The following STPG2 variants were observed in gnomAD, a reference collection of about 807,000 sequenced individuals.
STPG2 encodes the protein sperm-tail PG-rich repeat-containing protein 2.
In STPG2, 56 loss-of-function variants were observed where a neutral mutation model predicts 54.2. The observed-to-expected ratio is 1.03, with a 90% CI of 0.83 to 1.29. STPG2 has a LOEUF of 1.29. Among genes scored for constraint, STPG2 ranks in the 50% most tolerant of loss-of-function variants. The pLI is 0.00. For synonymous variants in STPG2, 200 were observed against 181.8 expected (o/e 1.10, Z -0.81); for missense variants, 596 against 544.9 (o/e 1.09, Z -0.93).
intron 8 of STPG2, among the ~76,000 whole-genome samples, chr4:97,877,314 A>G (rs1467266558): frequency 6.6e-6 from 1 of 152,164 alleles, no homozygotes; most frequent in African/African-American, 2.4e-5. Context: ...ATAGCAAGAA[A>G]ACAAATCACC....
intron 9 of STPG2, among the ~76,000 whole-genome samples, chr4:97,836,816 AT>A (rs1399216994): frequency 6.7e-6 from 1 of 150,332 alleles, no homozygotes; most frequent in Non-Finnish European, 1.5e-5. Flanking sequence ...TATATTATTC[AT>A]TAATTAATAA....
intron 4 of STPG2, among the ~76,000 whole-genome samples, chr4:97,489,354 T>G (rs1464298355): frequency 6.6e-6 from 1 of 151,766 alleles, no homozygotes; most frequent in African/African-American, 2.4e-5. Context: ...ATATCAGGCA[T>G]CTGGGTCAGA....
chr4:97,955,195 A>T (rs1047225096), intron 7 of STPG2, among the ~76,000 whole-genome samples: 2 of 151,306 alleles, frequency 1.3e-5, no homozygotes, highest in African/African-American at 4.9e-5. Context: ...AAAGCAAAAA[A>T]AGTTGTAATA....
At chr4:97,649,251 G>A (rs1484673883) in intron 10 of STPG2, among the ~76,000 whole-genome samples, 1 of 152,080 alleles carries the variant, frequency 6.6e-6, no homozygotes. Flanking sequence ...TTGTAGACCT[G>A]TGGACCCAGA....
intron 3 of STPG2, among the ~76,000 whole-genome samples, chr4:98,123,468 G>T (rs750372971): frequency 1.3e-5 from 2 of 152,118 alleles, no homozygotes; most frequent in Non-Finnish European, 2.9e-5. Context: ...TCAGAAGCAG[G>T]TTGTTCAATT....
chr4:98,119,104 T>C (rs1437029555), intron 3 of STPG2, among the ~76,000 whole-genome samples: 1 of 152,126 alleles, frequency 6.6e-6, no homozygotes, highest in South Asian at 2.1e-4. Flanking sequence ...TGATGAGAAA[T>C]AGGTAAGAGT....
chr4:97,991,401 G>GTA (rs1182579323), intron 5 of STPG2, among the ~76,000 whole-genome samples: 1 of 149,054 alleles, frequency 6.7e-6, no homozygotes, highest in Non-Finnish European at 1.5e-5. Flanking sequence ...ATATATATGT[G>GTA]TATATATATA....
intron 4 of STPG2, among the ~76,000 whole-genome samples, chr4:97,502,423 G>A (rs371821244): frequency 5.5e-4 from 83 of 151,996 alleles, no homozygotes; most frequent in Middle Eastern, 3.4e-3. Context: ...TTTCTGATGG[G>A]GAAAACAATG....
chr4:97,633,192 G>A (rs545519742), intron 10 of STPG2, among the ~76,000 whole-genome samples: 1 of 152,012 alleles, frequency 6.6e-6, no homozygotes, highest in Non-Finnish European at 1.5e-5. Flanking sequence ...CTTATAGAAG[G>A]ACTTGCCATT....
intron 10 of STPG2, among the ~76,000 whole-genome samples, chr4:97,699,961 T>G (rs1458858385): frequency 6.6e-6 from 1 of 152,180 alleles, no homozygotes; most frequent in Non-Finnish European, 1.5e-5. Context: ...CATGACCCAC[T>G]TTATGGCTAC....
At chr4:97,554,271 A>G (rs997557091), downstream of STPG2, among the ~76,000 whole-genome samples, 5 of 152,162 alleles carry the variant, frequency 3.3e-5, no homozygotes, top group Non-Finnish European at 7.3e-5. Flanking sequence ...AGTACAAATC[A>G]TCATCTCTAC....
intron 6 of STPG2, among the ~76,000 whole-genome samples, chr4:97,978,447 G>A (rs773891218): frequency 1.3e-5 from 2 of 152,104 alleles, no homozygotes; most frequent in Non-Finnish European, 2.9e-5. Context: ...CTTATAAGTG[G>A]GAGCAAAATA....
At position 97,667,204 on chromosome 4, in the gene STPG2, T is replaced by C. The variant is rs547036630; in HGVS notation, c.1320+45495A>G. Among the ~76,000 whole-genome samples, 121 of 152,374 alleles carry C rather than the reference T, an allele frequency of 7.9e-4. 1 individual carries two copies. The highest frequency in any genetic ancestry group is 2.9e-3 in the African/African-American group (119 of 41,598). The stretch of plus-strand genomic sequence containing the variant: ...TAACACATTCCTCAGGCAATTCTTA[T>C]ACAAAGTAAAGTGAAAGGACCACGA... On this transcript the variant is annotated intron_variant, in intron 10 of 10. Coordinates refer to ENST00000295268, the MANE Select transcript of STPG2 (RefSeq NM_174952.3).
At chr4:97,979,033 GT>G (rs1320535779) in intron 6 of STPG2, among the ~76,000 whole-genome samples, 1 of 152,202 alleles carries the variant, frequency 6.6e-6, no homozygotes, top group African/African-American at 2.4e-5. Context: ...CACAAAACAT[GT>G]AACAGCCTCA....
intron 9 of STPG2, among the ~76,000 whole-genome samples, chr4:97,801,654 C>A (rs183131115): frequency 2.0e-5 from 3 of 152,176 alleles, no homozygotes; most frequent in African/African-American, 7.2e-5. Flanking sequence ...AAAAATGTCT[C>A]TTTTTTTCTT....
chr4:97,810,462 C>CAAA (rs11386288), intron 9 of STPG2, among the ~76,000 whole-genome samples: 5 of 112,982 alleles, frequency 4.4e-5, no homozygotes, highest in Non-Finnish European at 3.6e-5. Flanking sequence ...GACTCTGTCT[C>CAAA]AAAAAAAAAA....
intron 5 of STPG2, among the ~76,000 whole-genome samples, chr4:98,020,853 T>A (rs1736159313): frequency 6.6e-6 from 1 of 152,188 alleles, no homozygotes; most frequent in Non-Finnish European, 1.5e-5. Flanking sequence ...TTCTGTGGGA[T>A]TGGTGGTGAT....
chr4:97,809,657 A>G (rs1190460646), intron 9 of STPG2, among the ~76,000 whole-genome samples: 1 of 152,206 alleles, frequency 6.6e-6, no homozygotes, highest in East Asian at 1.9e-4. Flanking sequence ...GACAATCAGA[A>G]AGAAAACATG....
intron 7 of STPG2, among the ~76,000 whole-genome samples, chr4:97,951,836 A>C (rs933481636): frequency 6.6e-6 from 1 of 152,144 alleles, no homozygotes; most frequent in Non-Finnish European, 1.5e-5. Context: ...GTCCCAGGGA[A>C]GAAACTGGTT....
Sources: allele counts gnomAD v4.1 joint callset (sites outside exome capture counted in the v4.1 genomes callset), GRCh38; gene constraint gnomAD v4.1.1; transcripts MANE v1.5; gene names NCBI Gene and HGNC (gene_info 2026-07-23, HGNC 2026-07-21).